TMEM268: variants seen among roughly 807,000 people sequenced by gnomAD.
TMEM268 encodes transmembrane protein 268.
In TMEM268, 24 loss-of-function variants were observed where a neutral mutation model predicts 39.1. The observed-to-expected ratio is 0.61, with a 90% CI of 0.44 to 0.86. The LOEUF is 0.86. Among genes scored for constraint, TMEM268 ranks in the 40% least tolerant of loss-of-function variants. The pLI is 0.00. For missense variants in TMEM268, 409 were observed against 428.6 expected (o/e 0.95, Z 0.40); for synonymous variants, 176 against 173.5 (o/e 1.01, Z -0.12).
rs201613610 is a variant in TMEM268, at chr9:114,621,078, C to T, written c.107-3272C>T. ...CCTCTCTGGGTGCAGTGGCTCAGGCCTGTAATCCCAGCACTTTGGGAGGCT... is the reference window on the plus strand; with the variant it reads ...CCTCTCTGGGTGCAGTGGCTCAGGCTTGTAATCCCAGCACTTTGGGAGGCT... On this transcript the variant is annotated intron_variant, in intron 2 of 8. Transcript: ENST00000288502. Among the ~76,000 whole-genome samples, 13 of 152,184 alleles carry T rather than the reference C, an allele frequency of 8.5e-5. No individual in the cohort carries two copies. The East Asian group carries it at 2.3e-3, about 27-fold the overall frequency.
In TMEM268 at chr9:114,620,401, C is replaced by T. The variant is rs566705357; in HGVS notation, c.106+3100C>T. The stretch of plus-strand genomic sequence containing the variant: ...CTGGGACGACAGGCACGTGCCACCA[C>T]GTCTGGCTAATTTTTTGTATTTTTT... On this transcript the variant is annotated intron_variant, in intron 2 of 8. Transcript: ENST00000288502. 3.4e-4 allele frequency among the ~76,000 whole-genome samples: 52 copies of T among 152,040 alleles called. No individual in the cohort carries two copies. The South Asian group carries it at 8.3e-3, about 24-fold the overall frequency.
upstream of TMEM268, among the ~76,000 whole-genome samples, chr9:114,608,825 C>A (rs2133571340): frequency 6.6e-6 from 1 of 152,216 alleles, no homozygotes; most frequent in South Asian, 2.1e-4. Flanking sequence ...AATGAATGAA[C>A]TTCATTTTTA....
upstream of TMEM268, among the ~76,000 whole-genome samples, chr9:114,609,137 C>A (rs927081652): frequency 1.3e-5 from 2 of 152,012 alleles, no homozygotes; most frequent in African/African-American, 2.4e-5. Flanking sequence ...TGGTGAAACC[C>A]CTGTCTCTAC....
At chr9:114,615,883 G>A (rs2133595182) in intron 1 of TMEM268, among the ~76,000 whole-genome samples, 1 of 151,870 alleles carries the variant, frequency 6.6e-6, no homozygotes. Context: ...GGAGAGACGG[G>A]GTTTTGCCAT....
chr9:114,628,007 G>T (rs1004902119), intron 4 of TMEM268, 94 bp from the exon 5 acceptor site: 10 of 1,355,870 alleles, frequency 7.4e-6, no homozygotes, highest in Middle Eastern at 2.0e-4. Flanking sequence ...TCCAAGGAGG[G>T]TATCAGTAGT....
At chr9:114,606,495 G>A (rs1364895477), upstream of TMEM268, among the ~76,000 whole-genome samples, 7 of 152,180 alleles carry the variant, frequency 4.6e-5, no homozygotes, top group Non-Finnish European at 1.0e-4. Context: ...CACTAGCAAC[G>A]GAACATTCTG....
chr9:114,642,498 C>T (rs1827400307), intron 8 of TMEM268, among the ~76,000 whole-genome samples: 1 of 152,062 alleles, frequency 6.6e-6, no homozygotes, highest in Non-Finnish European at 1.5e-5. Context: ...TTCCTCTCCC[C>T]ACCTCCACAT....
chr9:114,610,491 G>A (rs1845451955), upstream of TMEM268, among the ~76,000 whole-genome samples: 1 of 152,204 alleles, frequency 6.6e-6, no homozygotes. Context: ...AAAAAGCAGA[G>A]TGCCCAACAG....
chr9:114,636,976 G>A lies in TMEM268; in HGVS notation c.586-14G>A, dbSNP rs560524831. The stretch of plus-strand genomic sequence containing the variant: ...CCCTTGAGCCACGGTGGTCACTGCT[G>A]CTTCTCCCCACAGCTTTGGTTTGTC... On this transcript the variant is annotated splice_polypyrimidine_tract_variant and intron_variant, in intron 6 of 8. Coordinates refer to ENST00000288502, the MANE Select transcript of TMEM268 (RefSeq NM_153045.4). 6.2e-7 allele frequency: 1 copy of A among 1,605,238 alleles called. No individual in the cohort carries two copies. Among genetic ancestry groups the A allele is most frequent in the South Asian group, 1.1e-5 (1 of 90,632 alleles).
At chr9:114,627,049 T>C (rs769171646) in intron 4 of TMEM268, 43 bp downstream of exon 4, 1 of 1,386,276 alleles carries the variant, frequency 7.2e-7, no homozygotes, top group Non-Finnish European at 1.0e-6. Context: ...CCCTGACAGC[T>C]TATGGCACCA....
intron 2 of TMEM268, 180 bp from the exon 3 acceptor site, chr9:114,624,169 TG>T: frequency 7.4e-7 from 1 of 1,353,608 alleles, no homozygotes; most frequent in Non-Finnish European, 9.6e-7. Context: ...TTCTGCCTCC[TG>T]GGGGCTTCCC....
intron 6 of TMEM268, among the ~76,000 whole-genome samples, chr9:114,636,319 G>A (rs1446988580): frequency 6.6e-6 from 1 of 152,106 alleles, no homozygotes; most frequent in African/African-American, 2.4e-5. Context: ...TGGGCCACAG[G>A]TGTCAGCTCT....
intron 3 of TMEM268, among the ~76,000 whole-genome samples, chr9:114,625,007 T>A (rs1846098378): frequency 6.6e-6 from 1 of 152,342 alleles, no homozygotes; most frequent in African/African-American, 2.4e-5. Context: ...ATTCATTAGA[T>A]AATGATGCAG....
intron 2 of TMEM268, among the ~76,000 whole-genome samples, chr9:114,618,239 A>G (rs190371517): frequency 1.3e-5 from 2 of 152,174 alleles, no homozygotes; most frequent in East Asian, 1.9e-4. Flanking sequence ...AGTGTTTTCC[A>G]TGGGGCTTAG....
At chr9:114,640,073 G>T (rs775321356) in intron 8 of TMEM268, among the ~76,000 whole-genome samples, 4 of 149,860 alleles carry the variant, frequency 2.7e-5, no homozygotes, top group Non-Finnish European at 4.4e-5. Flanking sequence ...AAAAAAGAGA[G>T]AAATGATAAC....
At chr9:114,622,460 C>T (rs1382539985) in intron 2 of TMEM268, 7 of 985,156 alleles carry the variant, frequency 7.1e-6, no homozygotes, top group Non-Finnish European at 8.4e-6. Flanking sequence ...AAGGAGATCT[C>T]GATCCTTTTG....
the TMEM268 span, among the ~76,000 whole-genome samples, chr9:114,605,533 A>G: frequency 1.3e-5 from 2 of 152,188 alleles, no homozygotes; most frequent in African/African-American, 4.8e-5. Flanking sequence ...CTGTGAATTT[A>G]AAGCCATAGT....
chr9:114,619,073 A>T lies in TMEM268; in HGVS notation c.106+1772A>T, dbSNP rs76961418. ...TAGAGGCTTTGAAATTTGACTGCTT[A>T]AAAACAAAGGCTTCTTTTGTTACTA... On this transcript the variant is annotated intron_variant, in intron 2 of 8. Transcript: ENST00000288502. Among the ~76,000 whole-genome samples the T allele has an allele frequency of 2.5e-3, 375 of 152,378 alleles. 3 individuals are homozygous for T. Among genetic ancestry groups the T allele is most frequent in the African/African-American group, 8.8e-3 (366 of 41,586 alleles).
chr9:114,623,915 GA>G (rs914122590), intron 2 of TMEM268, among the ~76,000 whole-genome samples: 1 of 152,178 alleles, frequency 6.6e-6, no homozygotes, highest in African/African-American at 2.4e-5. Flanking sequence ...TAGACTCTCT[GA>G]GCCTACTGGG....
Sources: gnomAD v4.1 joint callset for allele counts (sites outside exome capture counted in the v4.1 genomes callset) on GRCh38, gnomAD v4.1.1 for gene constraint, MANE v1.5 for transcripts, NCBI Gene and HGNC (gene_info 2026-07-23, HGNC 2026-07-21) for gene names.